The following NIBAN1 variants were observed in gnomAD, a reference collection of about 807,000 sequenced individuals.
NIBAN1 encodes niban apoptosis regulator 1.
NIBAN1 carries 81 observed loss-of-function variants against 75.1 expected under a neutral mutation model. The ratio of observed to expected loss-of-function variants is 1.08; its 90% CI spans 0.90 to 1.30. The LOEUF (loss-of-function observed/expected upper bound fraction) is 1.30, where lower values mean the gene tolerates loss of function less well. NIBAN1 is among the 50% of genes most tolerant of loss of function. The pLI, the probability that NIBAN1 is intolerant of heterozygous loss-of-function variation, is 0.00. For missense variants in NIBAN1, 1,133 were observed against 1,128.1 expected (o/e 1.00, Z -0.06); for synonymous variants, 436 against 424.8 (o/e 1.03, Z -0.32).
intron 5 of NIBAN1, among the ~76,000 whole-genome samples, chr1:184,858,840 T>C (rs996235641): frequency 6.6e-6 from 1 of 152,032 alleles, no homozygotes; most frequent in Non-Finnish European, 1.5e-5. Context: ...GAATATTATA[T>C]AGCTGCTAAT....
chr1:184,902,210 G>A (rs1656973395), intron 1 of NIBAN1, among the ~76,000 whole-genome samples: 1 of 152,004 alleles, frequency 6.6e-6, no homozygotes, highest in Admixed American at 6.6e-5. Context: ...TCCAGCCTGG[G>A]AAACAGAGCA....
At chr1:184,917,368 ATT>A (rs1168037153) in intron 1 of NIBAN1, among the ~76,000 whole-genome samples, 3,911 of 89,078 alleles carry the variant, frequency 0.044, 241 homozygotes, top group African/African-American at 0.15. Flanking sequence ...CGCCCGGCTA[ATT>A]TTTTTTTTTT....
At chr1:184,907,301 A>C (rs1657131249) in intron 1 of NIBAN1, among the ~76,000 whole-genome samples, 1 of 152,190 alleles carries the variant, frequency 6.6e-6, no homozygotes, top group East Asian at 1.9e-4. Context: ...AATAAAAATA[A>C]GTTTATTTTA....
intron 1 of NIBAN1, among the ~76,000 whole-genome samples, chr1:184,932,869 A>G (rs1657860773): frequency 6.6e-6 from 1 of 152,194 alleles, no homozygotes; most frequent in Non-Finnish European, 1.5e-5. Context: ...TTTAGTGAGT[A>G]GAAAAACTAT....
intron 12 of NIBAN1, among the ~76,000 whole-genome samples, chr1:184,801,165 C>A (rs1248050294): frequency 3.9e-5 from 6 of 152,124 alleles, no homozygotes; most frequent in African/African-American, 1.2e-4. Flanking sequence ...CGGTCTCTTG[C>A]CTGGAAGGAC....
chr1:184,973,924 G>T (rs567779890), intron 1 of NIBAN1, among the ~76,000 whole-genome samples: 4 of 152,330 alleles, frequency 2.6e-5, no homozygotes, highest in African/African-American at 9.6e-5. Flanking sequence ...CTCTAGAAAC[G>T]CGGGATATCC....
intron 11 of NIBAN1, among the ~76,000 whole-genome samples, chr1:184,804,061 C>T (rs1038773651): frequency 6.6e-6 from 1 of 152,166 alleles, no homozygotes; most frequent in African/African-American, 2.4e-5. Context: ...ATCTTCAAAC[C>T]AGGGTCAGTG....
intron 9 of NIBAN1, among the ~76,000 whole-genome samples, chr1:184,816,773 A>G (rs1654547606): frequency 6.6e-6 from 1 of 151,882 alleles, no homozygotes; most frequent in South Asian, 2.1e-4. Context: ...TCAAAACCAT[A>G]TAAGTACATT....
chr1:184,917,526 A>T (rs1657425437), intron 1 of NIBAN1, among the ~76,000 whole-genome samples: 1 of 151,450 alleles, frequency 6.6e-6, no homozygotes, highest in South Asian at 2.1e-4. Flanking sequence ...TCCACTTTTC[A>T]AAGCAGCTCT....
intron 1 of NIBAN1, among the ~76,000 whole-genome samples, chr1:184,929,711 T>C (rs1298498559): frequency 6.6e-6 from 1 of 152,210 alleles, no homozygotes; most frequent in Non-Finnish European, 1.5e-5. Context: ...AATTTTGGTT[T>C]TTTTCTTAAT....
intron 8 of NIBAN1, among the ~76,000 whole-genome samples, chr1:184,822,310 T>A (rs1654723565): frequency 6.6e-6 from 1 of 152,176 alleles, no homozygotes; most frequent in South Asian, 2.1e-4. Context: ...TTAGAGGCCA[T>A]CTAAGGTCTC....
rs144347771 is a variant in NIBAN1 at position 184,884,872 on chromosome 1, G to A, written c.434-72C>T. The stretch of plus-strand genomic sequence containing the variant: ...TTATTTCAAATGTGTGTTTCAGGTC[G>A]TGAGGGTGACTATCTGGGGCAGGCC... On this transcript the variant is annotated intron_variant, in intron 4 of 13. Coordinates refer to ENST00000367511, the MANE Select transcript of NIBAN1 (RefSeq NM_052966.4). 88 of 1,535,644 alleles carry A rather than the reference G, an allele frequency of 5.7e-5. No individual in the cohort carries two copies. In the African/African-American group the frequency reaches 8.7e-4, roughly 15 times the overall value.
rs372540876 is a variant in NIBAN1 at position 184,890,178 on chromosome 1, G to A, written c.363C>T (p.Ala121=). ...CTTCTGAGGTTAACACCTTGCCACC[G>A]GCTGGAAGAATTCGACATTTAGGAG... ...GAAPKCRILP[A]GGKVLTSEDE... is the part of the protein sequence containing the mutation. The change falls in exon 4 of 14, where the codon GCC becomes GCT. Residue 121 remains alanine (A), a synonymous_variant. Coordinates refer to ENST00000367511, the MANE Select transcript of NIBAN1 (RefSeq NM_052966.4). 19 of 1,613,928 alleles carry A rather than the reference G, an allele frequency of 1.2e-5. No individual in the cohort carries two copies. Among genetic ancestry groups the A allele is most frequent in the Middle Eastern group, 1.7e-4 (1 of 6,060 alleles).
chr1:184,970,527 A>G (rs1403767796), intron 1 of NIBAN1, among the ~76,000 whole-genome samples: 1 of 152,240 alleles, frequency 6.6e-6, no homozygotes, highest in African/African-American at 2.4e-5. Context: ...TAACCCTTGT[A>G]TAAATAAGAG....
chr1:184,853,206 G>GTTA (rs1265239560), intron 5 of NIBAN1, among the ~76,000 whole-genome samples: 1 of 152,100 alleles, frequency 6.6e-6, no homozygotes, highest in East Asian at 1.9e-4. Context: ...AAATCATCCA[G>GTTA]TTATCCAGAA....
At chr1:184,966,612 C>T (rs936896021) in intron 1 of NIBAN1, among the ~76,000 whole-genome samples, 3 of 152,142 alleles carry the variant, frequency 2.0e-5, no homozygotes, top group African/African-American at 2.4e-5. Context: ...AGAACTGGGA[C>T]GGGGCACACA....
chr1:184,951,997 C>A (rs1658369808), intron 1 of NIBAN1, among the ~76,000 whole-genome samples: 1 of 152,180 alleles, frequency 6.6e-6, no homozygotes, highest in African/African-American at 2.4e-5. Flanking sequence ...TGATGTAAGT[C>A]CCATGAGAGC....
rs764411941 is a variant in NIBAN1, at chr1:184,806,035, T to G, written c.1357A>C (p.Thr453Pro). Residue 453 changes from threonine to proline, a missense_variant, in exon 11 of 14, where the codon ACT becomes CCT. Coordinates refer to ENST00000367511, the MANE Select transcript of NIBAN1 (RefSeq NM_052966.4). ...MQELMENAVF[T>P]FEQLLSPHLQ... The stretch of plus-strand genomic sequence containing the variant: ...TGTGGGGAAAGCAACTGCTCAAAAG[T>G]GAACACTGCATTCTCCATTAGCTAG... 37 of 1,613,918 alleles carry G rather than the reference T, an allele frequency of 2.3e-5. No homozygotes were observed. The highest frequency in any genetic ancestry group is 3.3e-5 in the South Asian group (3 of 91,088).
At chr1:184,955,005 C>T (rs145850004) in intron 1 of NIBAN1, among the ~76,000 whole-genome samples, 1 of 152,204 alleles carries the variant, frequency 6.6e-6, no homozygotes, top group Non-Finnish European at 1.5e-5. Flanking sequence ...CTTCCAGTAG[C>T]CACATTAAAA....
Sources: gnomAD v4.1 joint callset for allele counts (sites outside exome capture counted in the v4.1 genomes callset) on GRCh38, gnomAD v4.1.1 for gene constraint, MANE v1.5 for transcripts, NCBI Gene and HGNC (gene_info 2026-07-23, HGNC 2026-07-21) for gene names.